BCKDHB: variants seen among roughly 807,000 people sequenced by gnomAD.
BCKDHB encodes the protein 2-oxoisovalerate dehydrogenase subunit beta, mitochondrial.
In BCKDHB, 41 loss-of-function variants were observed where a neutral mutation model predicts 48.5. The ratio of observed to expected loss-of-function variants is 0.85; its 90% CI spans 0.66 to 1.10. The LOEUF is 1.10. Ranked by LOEUF, BCKDHB falls within the 50% of genes least tolerant of loss-of-function variation. The pLI is 0.00. For synonymous variants in BCKDHB, 201 were observed against 174.8 expected, an observed-to-expected ratio of 1.15 and a Z score of -1.18; for missense variants, 496 against 494.2, an observed-to-expected ratio of 1.00 and a Z score of -0.03.
intron 9 of BCKDHB, among the ~76,000 whole-genome samples, chr6:80,279,936 C>G (rs1420693182): frequency 6.6e-6 from 1 of 152,108 alleles, no homozygotes; most frequent in African/African-American, 2.4e-5. Flanking sequence ...GCTAAGTTAA[C>G]TCATGAAGGA....
At position 80,143,419 on chromosome 6, in the gene BCKDHB, G is replaced by A. The variant is rs146354760; in HGVS notation, c.343+14190G>A. On this transcript the variant is annotated intron_variant, in intron 3 of 9. Coordinates refer to ENST00000320393, the MANE Select transcript of BCKDHB (RefSeq NM_183050.4). Reference sequence around the variant, plus strand: ...ATAATCATAAAGTTCACTAGGAAAAGTTATTTTCCAGTCAGACTAGGAGGA... The same window carrying A: ...ATAATCATAAAGTTCACTAGGAAAAATTATTTTCCAGTCAGACTAGGAGGA... 1.7e-3 allele frequency among the ~76,000 whole-genome samples: 264 copies of A among 152,252 alleles called. 1 individual carries two copies. The highest frequency in any genetic ancestry group is 6.0e-3 in the African/African-American group (250 of 41,558).
intron 5 of BCKDHB, 69 bp from the exon 6 acceptor site, chr6:80,171,213 C>A: frequency 1.2e-6 from 1 of 831,544 alleles, no homozygotes; most frequent in Non-Finnish European, 2.0e-6. Flanking sequence ...AAATATCAGC[C>A]CTTCTTAGCA....
intron 3 of BCKDHB, among the ~76,000 whole-genome samples, chr6:80,148,888 C>T (rs1034661662): frequency 1.3e-5 from 2 of 152,172 alleles, no homozygotes; most frequent in Non-Finnish European, 2.9e-5. Context: ...CTAGGCATTA[C>T]CATTCAGGAC....
At chr6:80,449,127 G>A in the BCKDHB span, among the ~76,000 whole-genome samples, 2 of 152,048 alleles carry the variant, frequency 1.3e-5, no homozygotes, top group African/African-American at 4.8e-5. Context: ...TCAATACTTT[G>A]CATTTGACTG....
the BCKDHB span, among the ~76,000 whole-genome samples, chr6:80,376,864 T>A: frequency 6.6e-6 from 1 of 152,134 alleles, no homozygotes; most frequent in Non-Finnish European, 1.5e-5. Flanking sequence ...AAATATATAT[T>A]CAGATCTTTT....
the BCKDHB span, among the ~76,000 whole-genome samples, chr6:80,383,352 T>G: frequency 6.6e-6 from 1 of 152,112 alleles, no homozygotes; most frequent in Non-Finnish European, 1.5e-5. Context: ...AATAGCACTG[T>G]TCTATAATTT....
chr6:80,125,279 T>G (rs979691749), intron 1 of BCKDHB, among the ~76,000 whole-genome samples: 2 of 152,180 alleles, frequency 1.3e-5, no homozygotes, highest in Non-Finnish European at 1.5e-5. Flanking sequence ...TTCATAGAAT[T>G]GAAAAGAGTT....
intron 9 of BCKDHB, among the ~76,000 whole-genome samples, chr6:80,281,794 C>T (rs116694191): frequency 0.015 from 2,321 of 151,788 alleles, 82 homozygotes; most frequent in African/African-American, 0.052. Context: ...ATCTAGCAGT[C>T]GGTTTTTAAA....
intron 8 of BCKDHB, among the ~76,000 whole-genome samples, chr6:80,237,319 TTGAG>T (rs1254813610): frequency 6.6e-6 from 1 of 152,212 alleles, no homozygotes; most frequent in East Asian, 1.9e-4. Flanking sequence ...ATTCGGCTGA[TTGAG>T]TAACTGAACT....
chr6:80,221,453 T>C (rs889141930), intron 8 of BCKDHB, among the ~76,000 whole-genome samples: 4 of 152,218 alleles, frequency 2.6e-5, no homozygotes, highest in Non-Finnish European at 5.9e-5. Context: ...CATTTTCTTA[T>C]TTTTTAATAG....
At chr6:80,130,744 T>G (rs1770586236) in intron 3 of BCKDHB, among the ~76,000 whole-genome samples, 1 of 152,212 alleles carries the variant, frequency 6.6e-6, no homozygotes. Flanking sequence ...AGAGATAACT[T>G]GGAGATAACC....
the BCKDHB span, among the ~76,000 whole-genome samples, chr6:80,354,048 G>A: frequency 6.6e-6 from 1 of 151,874 alleles, no homozygotes; most frequent in East Asian, 1.9e-4. Flanking sequence ...TTTTGTATTT[G>A]TTGAATTGAG....
chr6:80,447,450 TA>T, the BCKDHB span, among the ~76,000 whole-genome samples: 13 of 20,830 alleles, frequency 6.2e-4, no homozygotes, highest in Non-Finnish European at 1.7e-3. Context: ...TATATACAGT[TA>T]TATATATATA....
chr6:80,192,446 G>A (rs1691709731), intron 6 of BCKDHB, among the ~76,000 whole-genome samples: 1 of 152,028 alleles, frequency 6.6e-6, no homozygotes, highest in African/African-American at 2.4e-5. Flanking sequence ...TATAGAAAAT[G>A]CATTGGAAAA....
At chr6:80,106,992 C>G in intron 1 of BCKDHB, 103 bp downstream of exon 1, 1 of 1,395,502 alleles carries the variant, frequency 7.2e-7, no homozygotes, top group Admixed American at 2.0e-5. Context: ...CCTTGCATCC[C>G]AGCTTATTAA....
downstream of BCKDHB, among the ~76,000 whole-genome samples, chr6:80,350,249 A>G (rs1243207777): frequency 6.6e-6 from 1 of 152,194 alleles, no homozygotes; most frequent in Non-Finnish European, 1.5e-5. Flanking sequence ...ATTCACAGAC[A>G]TTAAATATTT....
chr6:80,367,032 T>C, the BCKDHB span, among the ~76,000 whole-genome samples: 5 of 152,174 alleles, frequency 3.3e-5, no homozygotes, highest in Admixed American at 1.3e-4. Context: ...TAAACACTTA[T>C]CCTGTGACTT....
chr6:80,349,985 A>G (rs9350852), downstream of BCKDHB, among the ~76,000 whole-genome samples: 31,127 of 151,958 alleles, frequency 0.2, 3,647 homozygotes, highest in South Asian at 0.37. Flanking sequence ...CTTTTAAAGT[A>G]TACATAAGTA....
At chr6:80,353,922 T>G in the BCKDHB span, among the ~76,000 whole-genome samples, 1 of 152,254 alleles carries the variant, frequency 6.6e-6, no homozygotes, top group African/African-American at 2.4e-5. Context: ...CATTTTAATT[T>G]GCATTTCTAT....
Sources: allele counts gnomAD v4.1 joint callset (sites outside exome capture counted in the v4.1 genomes callset), GRCh38; gene constraint gnomAD v4.1.1; transcripts MANE v1.5; gene names NCBI Gene and HGNC (gene_info 2026-07-23, HGNC 2026-07-21).